USH2A: variants seen among roughly 807,000 people sequenced by gnomAD.
The protein encoded by USH2A is usherin, also known as Usher syndrome 2A (autosomal recessive, mild).
In USH2A, 443 loss-of-function variants were observed where a neutral mutation model predicts 538.9. The observed-to-expected ratio is 0.82, with a 90% CI of 0.76 to 0.89. USH2A has a LOEUF of 0.89. USH2A is among the 40% of genes least tolerant of loss of function. The pLI is 0.00. For synonymous variants in USH2A, 2,413 were observed against 2,273.5 expected, an observed-to-expected ratio of 1.06 and a Z score of -1.75; for missense variants, 6,633 against 6,324.8, an observed-to-expected ratio of 1.05 and a Z score of -1.65.
chr1:215,650,907 T>A (rs1217335391), intron 64 of USH2A, 106 bp from the exon 65 acceptor site: 2 of 1,205,468 alleles, frequency 1.7e-6, no homozygotes, highest in Non-Finnish European at 2.4e-6. Context: ...CAAAAGCAAC[T>A]AAACACAACA....
At chr1:216,339,923 A>T (rs1330896281) in intron 4 of USH2A, among the ~76,000 whole-genome samples, 3 of 152,056 alleles carry the variant, frequency 2.0e-5, no homozygotes, top group Non-Finnish European at 4.4e-5. Flanking sequence ...CAATTAAAAG[A>T]ACTAGAGAAG....
chr1:216,139,375 G>C (rs760694829), intron 21 of USH2A, among the ~76,000 whole-genome samples: 3 of 149,930 alleles, frequency 2.0e-5, no homozygotes, highest in African/African-American at 7.4e-5. Flanking sequence ...CCCTTGAGTC[G>C]CAGCTGACTC....
chr1:216,129,165 T>C lies in USH2A; in HGVS notation c.4628-31952A>G, dbSNP rs571160831. 7.9e-5 allele frequency among the ~76,000 whole-genome samples: 12 copies of C among 152,262 alleles called. No homozygotes were observed. In the East Asian group the frequency reaches 2.3e-3, roughly 29 times the overall value. On this transcript the variant is annotated intron_variant, in intron 21 of 71. Transcript: ENST00000307340. ...ATTCATTCATCCATTGATGGACACTTAGTTTGACTCCATATCTTGGCTATT... is the reference window on the plus strand; with the variant it reads ...ATTCATTCATCCATTGATGGACACTCAGTTTGACTCCATATCTTGGCTATT...
At chr1:215,929,935 G>T (rs1666322975) in intron 38 of USH2A, among the ~76,000 whole-genome samples, 1 of 151,834 alleles carries the variant, frequency 6.6e-6, no homozygotes, top group Non-Finnish European at 1.5e-5. Context: ...TGGAGAGGGG[G>T]TTCAGGGGAA....
At chr1:216,345,841 A>T (rs1055197308) in intron 4 of USH2A, among the ~76,000 whole-genome samples, 1 of 152,074 alleles carries the variant, frequency 6.6e-6, no homozygotes, top group African/African-American at 2.4e-5. Context: ...CCATCCAGAA[A>T]ACAGGAATTT....
intron 31 of USH2A, among the ~76,000 whole-genome samples, chr1:216,047,561 G>C (rs147124039): frequency 6.6e-6 from 1 of 151,706 alleles, no homozygotes; most frequent in African/African-American, 2.4e-5. Flanking sequence ...TCACAAGAAG[G>C]ATTTTACAAA....
chr1:215,809,358 C>CT (rs1463194743), intron 49 of USH2A, among the ~76,000 whole-genome samples: 3 of 151,642 alleles, frequency 2.0e-5, no homozygotes, highest in African/African-American at 7.3e-5. Flanking sequence ...TTTAAAGCCT[C>CT]TTTTGAGCAT....
At chr1:215,717,379 A>G (rs1016851740) in intron 61 of USH2A, among the ~76,000 whole-genome samples, 1 of 152,174 alleles carries the variant, frequency 6.6e-6, no homozygotes, top group Non-Finnish European at 1.5e-5. Context: ...ACTAAGAATC[A>G]TGATGCCTGT....
chr1:216,194,864 C>T (rs781697217), intron 19 of USH2A, among the ~76,000 whole-genome samples: 1 of 152,068 alleles, frequency 6.6e-6, no homozygotes, highest in Non-Finnish European at 1.5e-5. Flanking sequence ...AAGGGCTCTG[C>T]ACCAGGTCCA....
Position 216,207,292 on chromosome 1 carries a change from T to G in USH2A, c.3297A>C (p.Thr1099=). 1 of 1,614,016 alleles carries G rather than the reference T, an allele frequency of 6.2e-7. No homozygotes were observed. Among genetic ancestry groups the G allele is most frequent in the Non-Finnish European group, 8.5e-7 (1 of 1,179,920 alleles). ...LLRDGFEIYT[T]EDQYPYSIQY... ...ACTCACTGTATGGGTATTGATCCTCTGTTGTGTAGATTTCAAAACCATCCC... is the reference window on the plus strand; with the variant it reads ...ACTCACTGTATGGGTATTGATCCTCGGTTGTGTAGATTTCAAAACCATCCC... Residue 1099 remains threonine (T), a synonymous_variant, in exon 16 of 72, where the codon ACA becomes ACC. Coordinates refer to ENST00000307340, the MANE Select transcript of USH2A (RefSeq NM_206933.4).
Position 215,674,238 on chromosome 1 carries a change from G to T in USH2A, c.13673C>A (p.Thr4558Lys). 6.2e-7 allele frequency: 1 copy of T among 1,614,132 alleles called. No homozygotes were observed. The highest frequency in any genetic ancestry group is 8.5e-7 in the Non-Finnish European group (1 of 1,180,014). ...ILVNWDPPVR[T>K]NGDIINYTLF... ...GGTATAATTGATGATATCACCATTT[G>T]TTCTCACTGGAGGGTCCCAGTTCAC... Residue 4558 changes from threonine (T) to lysine (K), a missense_variant, in exon 63 of 72, where the codon ACA becomes AAA. Thr to Lys is a moderately conservative substitution (Grantham distance 78). Coordinates refer to ENST00000307340, the MANE Select transcript of USH2A (RefSeq NM_206933.4).
intron 4 of USH2A, among the ~76,000 whole-genome samples, chr1:216,360,070 T>C (rs1006695395): frequency 5.9e-5 from 9 of 152,144 alleles, no homozygotes; most frequent in African/African-American, 1.4e-4. Flanking sequence ...TTGGTATTTA[T>C]AAGTTGAAAA....
intron 35 of USH2A, among the ~76,000 whole-genome samples, chr1:215,985,794 T>C (rs1416261408): frequency 3.9e-5 from 6 of 152,154 alleles, no homozygotes; most frequent in African/African-American, 1.2e-4. Context: ...AAGAGACCTA[T>C]AGTTAATTGA....
intron 4 of USH2A, among the ~76,000 whole-genome samples, chr1:216,334,641 A>G (rs2037934787): frequency 6.6e-6 from 1 of 151,948 alleles, no homozygotes; most frequent in Non-Finnish European, 1.5e-5. Flanking sequence ...AAAGAAAGAT[A>G]CACCACGTAA....
intron 32 of USH2A, among the ~76,000 whole-genome samples, chr1:216,030,294 A>G (rs1669078867): frequency 7.2e-6 from 1 of 138,304 alleles, no homozygotes. Flanking sequence ...TATATAATAT[A>G]TAAGATATAT....
At chr1:216,024,577 C>T (rs768422520) in intron 32 of USH2A, among the ~76,000 whole-genome samples, 2 of 151,960 alleles carry the variant, frequency 1.3e-5, no homozygotes, top group African/African-American at 2.4e-5. Flanking sequence ...ATTTTTTCAA[C>T]TAAATCTAAA....
At chr1:216,097,609 A>G (rs934905030) in intron 21 of USH2A, among the ~76,000 whole-genome samples, 7 of 152,212 alleles carry the variant, frequency 4.6e-5, no homozygotes, top group African/African-American at 1.7e-4. Flanking sequence ...AATATTTATG[A>G]AGTTTAAAGA....
At chr1:216,244,859 G>C (rs946465071) in intron 13 of USH2A, among the ~76,000 whole-genome samples, 1 of 152,054 alleles carries the variant, frequency 6.6e-6, no homozygotes, top group Admixed American at 6.6e-5. Context: ...CATGTGACTT[G>C]TATTATACAT....
chr1:215,720,518 G>T (rs1659624349), intron 61 of USH2A, among the ~76,000 whole-genome samples: 1 of 152,194 alleles, frequency 6.6e-6, no homozygotes, highest in African/African-American at 2.4e-5. Context: ...GAATTCCAAA[G>T]TTAGGAGACT....
Sources: gnomAD v4.1 joint callset for allele counts (sites outside exome capture counted in the v4.1 genomes callset) on GRCh38, gnomAD v4.1.1 for gene constraint, MANE v1.5 for transcripts, NCBI Gene and HGNC (gene_info 2026-07-23, HGNC 2026-07-21) for gene names.